Variants in PEX7 observed in about 807,000 individuals in gnomAD.
PEX7 encodes PTS2 receptor.
PEX7 carries 34 observed loss-of-function variants against 47.5 expected under a neutral mutation model. The observed-to-expected ratio is 0.72, with a 90% confidence interval of 0.54 to 0.95. The LOEUF is 0.95. Ranked by LOEUF, PEX7 falls within the 40% of genes least tolerant of loss-of-function variation. The probability of loss-of-function intolerance (pLI) is 0.00; values close to 1 mark genes in which losing one functional copy is unlikely to be tolerated. For missense variants in PEX7, 394 were observed against 400.3 expected (o/e 0.98, Z 0.13); for synonymous variants, 141 against 148.8 (o/e 0.95, Z 0.38).
chr6:136,858,444 A>G (rs1220816966), intron 5 of PEX7, among the ~76,000 whole-genome samples: 2 of 152,200 alleles, frequency 1.3e-5, no homozygotes, highest in African/African-American at 2.4e-5. Context: ...GCATGGTTGT[A>G]TAGTAACATA....
intron 3 of PEX7, among the ~76,000 whole-genome samples, chr6:136,835,433 TG>T (rs1404258942): frequency 1.3e-5 from 2 of 151,846 alleles, no homozygotes; most frequent in Non-Finnish European, 2.9e-5. Context: ...AGATTATAGG[TG>T]TGTGCCACCG....
intron 9 of PEX7, among the ~76,000 whole-genome samples, chr6:136,908,341 T>C (rs1474770990): frequency 1.3e-5 from 2 of 150,950 alleles, no homozygotes; most frequent in African/African-American, 4.9e-5. Flanking sequence ...ATTAGTTTAG[T>C]TTTTTTTACT....
chr6:136,909,590 T>C (rs938444373), intron 9 of PEX7, among the ~76,000 whole-genome samples: 3 of 152,224 alleles, frequency 2.0e-5, no homozygotes, highest in African/African-American at 7.2e-5. Context: ...TAAAGTGCTT[T>C]TTTCTTACCT....
intron 6 of PEX7, among the ~76,000 whole-genome samples, chr6:136,867,440 GACTCAGTGT>G (rs1775093539): frequency 1.3e-5 from 2 of 151,724 alleles, no homozygotes; most frequent in African/African-American, 4.8e-5. Context: ...TGATAATCCT[GACTCAGTGT>G]AGTCCTAAAC....
At chr6:136,874,593 C>T (rs1775236590) in intron 8 of PEX7, among the ~76,000 whole-genome samples, 1 of 149,314 alleles carries the variant, frequency 6.7e-6, no homozygotes, top group South Asian at 2.1e-4. Context: ...TGCTTGAACC[C>T]AGAAGGCAGA....
intron 8 of PEX7, among the ~76,000 whole-genome samples, chr6:136,883,164 A>C (rs1413333616): frequency 1.3e-5 from 2 of 152,202 alleles, no homozygotes; most frequent in Non-Finnish European, 2.9e-5. Flanking sequence ...TTCCGAGTGG[A>C]ATGAAATGTT....
intron 8 of PEX7, among the ~76,000 whole-genome samples, chr6:136,880,657 G>A (rs1294557683): frequency 6.6e-6 from 1 of 152,172 alleles, no homozygotes; most frequent in African/African-American, 2.4e-5. Flanking sequence ...ATTGGTTTTT[G>A]TAAGAATACA....
At chr6:136,826,230 G>GA (rs549449689) in intron 2 of PEX7, 89 bp from the exon 3 acceptor site, 59 of 1,427,532 alleles carry the variant, frequency 4.1e-5, no homozygotes, top group African/African-American at 2.0e-4. Context: ...TAAATTGAAA[G>GA]AAAAAAAACC....
chr6:136,829,866 G>A, intron 3 of PEX7: 1 of 617,124 alleles, frequency 1.6e-6, no homozygotes, highest in Non-Finnish European at 2.9e-6. Context: ...GAGCATGGGA[G>A]GTGGAGGTTG....
Position 136,822,774 on chromosome 6 carries a change from G to A in PEX7, c.109G>A (p.Ala37Thr). The A allele has an allele frequency of 6.9e-7, 1 of 1,446,210 alleles. No homozygotes were observed. 89.6% of individuals were successfully genotyped at this position (1,446,210 alleles called of 1,614,324 possible). The change falls in exon 1 of 10, where the codon GCG (alanine) becomes ACG (threonine). Residue 37 changes from alanine (A) to threonine (T), a missense_variant. By Grantham distance (58) the Ala-to-Thr change is moderately conservative. Transcript: ENST00000318471. ...YLPGRLACAT[A>T]QHYGIAGCGT... ...GCCGGGCCGCCTGGCCTGCGCCACCGCGCAGCACTACGGCATCGCGGGTGA... is the reference window on the plus strand; with the variant it reads ...GCCGGGCCGCCTGGCCTGCGCCACCACGCAGCACTACGGCATCGCGGGTGA...
At chr6:136,838,369 GC>G (rs1213237905) in intron 3 of PEX7, among the ~76,000 whole-genome samples, 1 of 152,184 alleles carries the variant, frequency 6.6e-6, no homozygotes, top group East Asian at 1.9e-4. Context: ...AATCCAGAAG[GC>G]AAGACATTCT....
In PEX7 at chr6:136,874,138, G is replaced by T. The variant is rs73777764; in HGVS notation, c.803+1885G>T. ...TTACTTGCTTCATAAAAAGAATTAA[G>T]AAATTTTCCTTTGTTTCCAAAGCTC... On this transcript the variant is annotated intron_variant, in intron 8 of 9. Transcript: ENST00000318471. Among the ~76,000 whole-genome samples, 535 of 152,294 alleles carry T rather than the reference G, an allele frequency of 3.5e-3. 7 individuals carry two copies. Among genetic ancestry groups the T allele is most frequent in the African/African-American group, 0.011 (477 of 41,552 alleles).
intron 3 of PEX7, 72 bp downstream of exon 3, chr6:136,826,541 A>G: frequency 6.5e-7 from 1 of 1,548,564 alleles, no homozygotes; most frequent in Middle Eastern, 1.7e-4. Flanking sequence ...TTGGGGATGG[A>G]CACATGGAGA....
At chr6:136,859,061 T>C (rs1467266789) in intron 5 of PEX7, among the ~76,000 whole-genome samples, 1 of 152,234 alleles carries the variant, frequency 6.6e-6, no homozygotes, top group Non-Finnish European at 1.5e-5. Flanking sequence ...AAGTATATCT[T>C]TCAACAGATT....
intron 5 of PEX7, among the ~76,000 whole-genome samples, chr6:136,851,023 A>C: frequency 1.2e-5 from 1 of 82,098 alleles, no homozygotes; most frequent in Admixed American, 1.4e-4. Flanking sequence ...ATTATACTCT[A>C]AGTTTTAGGG....
At chr6:136,840,706 A>G (rs893576199) in intron 3 of PEX7, among the ~76,000 whole-genome samples, 1 of 152,216 alleles carries the variant, frequency 6.6e-6, no homozygotes, top group African/African-American at 2.4e-5. Context: ...CTTAAGAGAA[A>G]TCATAGACAA....
At chr6:136,894,999 A>G (rs936959783) in intron 8 of PEX7, among the ~76,000 whole-genome samples, 1 of 152,218 alleles carries the variant, frequency 6.6e-6, no homozygotes, top group African/African-American at 2.4e-5. Context: ...AGGCCCTTGG[A>G]TATATAGCAC....
chr6:136,848,848 G>A (rs1774682562), intron 5 of PEX7, among the ~76,000 whole-genome samples: 2 of 152,148 alleles, frequency 1.3e-5, no homozygotes, highest in African/African-American at 4.8e-5. Flanking sequence ...TTTGGTATCA[G>A]TATGCTGCTG....
intron 3 of PEX7, among the ~76,000 whole-genome samples, chr6:136,829,438 A>G (rs1050114231): frequency 2.6e-5 from 4 of 152,144 alleles, no homozygotes; most frequent in African/African-American, 9.7e-5. Context: ...CACTAATCCC[A>G]TTCATGAGGG....
Sources: allele counts gnomAD v4.1 joint callset (sites outside exome capture counted in the v4.1 genomes callset), GRCh38; gene constraint gnomAD v4.1.1; transcripts MANE v1.5; gene names NCBI Gene and HGNC (gene_info 2026-07-23, HGNC 2026-07-21).